Variants in FERRY3 observed in about 807,000 individuals in gnomAD.
The protein encoded by FERRY3 is protein C12orf4.
chr12:4,500,118 G>A, the FERRY3 span: 1 of 1,586,538 alleles, frequency 6.3e-7, no homozygotes, highest in South Asian at 1.1e-5. Flanking sequence ...TAAAATTACA[G>A]GATTTTTCTA....
At chr12:4,501,381 G>C in the FERRY3 span, among the ~76,000 whole-genome samples, 6 of 152,042 alleles carry the variant, frequency 3.9e-5, no homozygotes, top group South Asian at 1.0e-3. Context: ...CTAGAACAAG[G>C]GTCCCTCATG....
the FERRY3 span, among the ~76,000 whole-genome samples, chr12:4,527,954 AC>A: frequency 2.0e-5 from 3 of 152,148 alleles, no homozygotes; most frequent in African/African-American, 7.2e-5. Context: ...GGTAATTAGC[AC>A]GTTAATTGAA....
At chr12:4,495,956 T>G in the FERRY3 span, among the ~76,000 whole-genome samples, 1 of 152,182 alleles carries the variant, frequency 6.6e-6, no homozygotes, top group African/African-American at 2.4e-5. Flanking sequence ...AAAAATAAAT[T>G]TAATTCTCAG....
At chr12:4,490,037 C>T in the FERRY3 span, 107 of 576,716 alleles carry the variant, frequency 1.9e-4, no homozygotes, top group South Asian at 2.3e-3. Context: ...CTTTCATGGC[C>T]GATGTAACTG....
At chr12:4,521,531 A>T in the FERRY3 span, among the ~76,000 whole-genome samples, 1 of 152,240 alleles carries the variant, frequency 6.6e-6, no homozygotes, top group African/African-American at 2.4e-5. Flanking sequence ...ACATGTTAAA[A>T]GATCTAGTGG....
chr12:4,510,547 T>A, the FERRY3 span, among the ~76,000 whole-genome samples: 1 of 148,448 alleles, frequency 6.7e-6, no homozygotes, highest in Non-Finnish European at 1.5e-5. Context: ...AGCAGATCTC[T>A]CGGCAGAAAC....
the FERRY3 span, among the ~76,000 whole-genome samples, chr12:4,535,040 A>C: frequency 5.3e-5 from 8 of 152,236 alleles, no homozygotes; most frequent in Admixed American, 5.2e-4. This position sits in a 1 kb window ranked among gnomAD's most constrained non-coding sequence, Gnocchi z 4.0. Flanking sequence ...TTTGAAAGAG[A>C]AGTTAAATGA....
At chr12:4,522,570 C>A in the FERRY3 span, among the ~76,000 whole-genome samples, 11,504 of 152,238 alleles carry the variant, frequency 0.076, 624 homozygotes, top group Non-Finnish European at 0.11. Flanking sequence ...GTGGTGGGAA[C>A]GCAAAATTGT....
At chr12:4,518,945 T>C in the FERRY3 span, 1 of 1,088,232 alleles carries the variant, frequency 9.2e-7, no homozygotes, top group Non-Finnish European at 1.3e-6. Flanking sequence ...AAGGAAAGCT[T>C]TATAATGAGA....
At chr12:4,525,383 A>C in the FERRY3 span, 1 of 1,612,768 alleles carries the variant, frequency 6.2e-7, no homozygotes, top group South Asian at 1.1e-5. Context: ...GTCCTAAAAG[A>C]AACAGTATAC....
At chr12:4,514,941 A>T in the FERRY3 span, among the ~76,000 whole-genome samples, 1 of 152,096 alleles carries the variant, frequency 6.6e-6, no homozygotes, top group East Asian at 1.9e-4. Flanking sequence ...AACCTATGGT[A>T]CCAATTTAAT....
chr12:4,500,352 A>C, the FERRY3 span: 2 of 1,606,604 alleles, frequency 1.2e-6, no homozygotes, highest in South Asian at 2.2e-5. Flanking sequence ...TGTGAACAAT[A>C]AATACAATCA....
chr12:4,527,948 A>G, the FERRY3 span, among the ~76,000 whole-genome samples: 1 of 152,192 alleles, frequency 6.6e-6, no homozygotes, highest in Non-Finnish European at 1.5e-5. Context: ...AATGCAGGTA[A>G]TTAGCACGTT....
At chr12:4,501,278 C>T in the FERRY3 span, among the ~76,000 whole-genome samples, 1 of 152,170 alleles carries the variant, frequency 6.6e-6, no homozygotes. Context: ...CCCTACTTGT[C>T]CACCTACATA....
the FERRY3 span, among the ~76,000 whole-genome samples, chr12:4,498,587 G>T: frequency 2.0e-5 from 3 of 152,194 alleles, no homozygotes; most frequent in African/African-American, 7.2e-5. Context: ...AACTATACCA[G>T]CATAGATTAT....
chr12:4,531,629 A>G, the FERRY3 span, among the ~76,000 whole-genome samples: 8 of 152,226 alleles, frequency 5.3e-5, no homozygotes, highest in South Asian at 2.1e-4. Flanking sequence ...TGCAGAGAGA[A>G]AGCGATTCAA....
the FERRY3 span, among the ~76,000 whole-genome samples, chr12:4,515,343 G>A: frequency 6.6e-6 from 1 of 152,140 alleles, no homozygotes; most frequent in Non-Finnish European, 1.5e-5. Context: ...TATATCCGAA[G>A]GAAATGAAAT....
chr12:4,493,027 C>G, the FERRY3 span, among the ~76,000 whole-genome samples: 1 of 152,126 alleles, frequency 6.6e-6, no homozygotes, highest in African/African-American at 2.4e-5. Flanking sequence ...GTTTCTTCTA[C>G]CTACAATGCC....
the FERRY3 span, among the ~76,000 whole-genome samples, chr12:4,531,568 C>T: frequency 1.3e-5 from 2 of 152,138 alleles, no homozygotes; most frequent in African/African-American, 4.8e-5. Flanking sequence ...ACAGATGCTA[C>T]TAGAAAGGGG....
Sources: allele counts gnomAD v4.1 joint callset (sites outside exome capture counted in the v4.1 genomes callset), GRCh38; gene constraint gnomAD v4.1.1; non-coding constraint Gnocchi (gnomAD v3.1); transcripts MANE v1.5; gene names NCBI Gene and HGNC (gene_info 2026-07-23, HGNC 2026-07-21).